RRM2: variants seen among roughly 807,000 people sequenced by gnomAD.
RRM2 encodes the protein ribonucleotide reductase regulatory subunit M2, also known as ribonucleoside-diphosphate reductase subunit M2.
In RRM2, 6 loss-of-function variants were observed where a neutral mutation model predicts 45.9. That is an observed-to-expected ratio of 0.13 (90% CI 0.07 to 0.26). RRM2 has a LOEUF of 0.26. Among genes scored for constraint, RRM2 ranks in the 10% least tolerant of loss-of-function variants. RRM2 has a pLI of 1.00. For missense variants in RRM2, 343 were observed against 489.5 expected (o/e 0.70, Z 2.82); for synonymous variants, 177 against 173.0 (o/e 1.02, Z -0.18).
chr2:10,164,148 A>G (rs1340630719), intron 3 of RRM2, among the ~76,000 whole-genome samples: 2 of 151,626 alleles, frequency 1.3e-5, no homozygotes, highest in Admixed American at 6.6e-5. Context: ...GTATTTTTCA[A>G]CCTTTTTTGA....
rs542410399 is a variant in RRM2 at position 10,127,295 on chromosome 2, G to A, written c.798+75G>A. 6.0e-6 allele frequency: 9 copies of A among 1,488,590 alleles called. No individual in the cohort carries two copies. In the South Asian group the frequency reaches 9.3e-5, roughly 15 times the overall value. 92.2% of individuals were successfully genotyped at this position (1,488,590 alleles called of 1,614,324 possible). ...GGCATGCTCTTGTGTTCACTGACGGGGACCTGAGATGCTAGATGGCATATA... is the reference window on the plus strand; with the variant it reads ...GGCATGCTCTTGTGTTCACTGACGGAGACCTGAGATGCTAGATGGCATATA... On this transcript the variant is annotated intron_variant, in intron 7 of 9. Coordinates refer to ENST00000304567, the MANE Select transcript of RRM2 (RefSeq NM_001034.4). The surrounding 1 kb of genome is among the most constrained non-coding windows in gnomAD (Gnocchi z 4.1).
chr2:10,191,232 C>T (rs1664299633), intron 3 of RRM2, among the ~76,000 whole-genome samples: 1 of 152,212 alleles, frequency 6.6e-6, no homozygotes, highest in Non-Finnish European at 1.5e-5. Context: ...GGTTGGCTGT[C>T]AGGGGAGCAG....
chr2:10,174,144 GGGAGGAGGCGGCTGCCTCCCACCCA>G (rs1426377203), intron 3 of RRM2, among the ~76,000 whole-genome samples: 2 of 152,208 alleles, frequency 1.3e-5, no homozygotes, highest in Admixed American at 1.3e-4. Context: ...TGAGGACATG[GGGAGGAGGCGGCTGCCTCCCACCCA>G]GGAGGAGCCC....
At chr2:10,175,125 T>C (rs1663886696) in intron 3 of RRM2, among the ~76,000 whole-genome samples, 1 of 152,266 alleles carries the variant, frequency 6.6e-6, no homozygotes, top group Non-Finnish European at 1.5e-5. Context: ...ATCTGAAGTC[T>C]GCAGTTTGAG....
At chr2:10,186,168 A>G (rs748704091) in intron 3 of RRM2, among the ~76,000 whole-genome samples, 36 of 152,116 alleles carry the variant, frequency 2.4e-4, no homozygotes, top group Admixed American at 9.2e-4. Flanking sequence ...TGGATGAGCC[A>G]TTTTACCTTT....
At chr2:10,141,742 A>G in intron 1 of RRM2, 1 of 1,467,508 alleles carries the variant, frequency 6.8e-7, no homozygotes, top group Middle Eastern at 2.2e-4. Flanking sequence ...TACTGTTCCA[A>G]GCACGGGAAA....
rs1022441044 is a variant in RRM2, at chr2:10,172,223, G to A, written n.482+29848G>A. Among the ~76,000 whole-genome samples the A allele has an allele frequency of 1.3e-4, 20 of 152,118 alleles. No individual in the cohort carries two copies. The highest frequency in any genetic ancestry group is 4.8e-4 in the African/African-American group (20 of 41,426). On this transcript the variant is annotated intron_variant and non_coding_transcript_variant, in intron 3 of 3. Transcript: ENST00000381786. The surrounding 1 kb of genome is among the most constrained non-coding windows in gnomAD (Gnocchi z 4.9). ...GAGATTTCTCTGCTCTAAGTCATGG[G>A]TGCTGAGGCCCACCTGTCTGGCGAG...
At chr2:10,134,412 G>A (rs1438485354), downstream of RRM2, among the ~76,000 whole-genome samples, 1 of 152,132 alleles carries the variant, frequency 6.6e-6, no homozygotes, top group East Asian at 1.9e-4. Context: ...AAAGCTAGGG[G>A]CCCCAGTGAC....
chr2:10,192,516 C>T (rs1346224135), intron 3 of RRM2: 1 of 154,602 alleles, frequency 6.5e-6, no homozygotes, highest in African/African-American at 2.4e-5. Flanking sequence ...CCACTTGTGA[C>T]CAGGGTTTTC....
intron 7 of RRM2, among the ~76,000 whole-genome samples, chr2:10,128,114 A>C: frequency 6.6e-6 from 1 of 152,052 alleles, no homozygotes; most frequent in South Asian, 2.1e-4. Flanking sequence ...GCAGTGAGTC[A>C]AGATCACACC....
upstream of RRM2, among the ~76,000 whole-genome samples, chr2:10,140,259 GA>G (rs906473874): frequency 1.3e-5 from 2 of 150,834 alleles, no homozygotes; most frequent in African/African-American, 4.9e-5. Context: ...AAAAAGAAAA[GA>G]AAAAAAAATC....
intron 5 of RRM2, among the ~76,000 whole-genome samples, chr2:10,125,658 AGACTCC>A (rs1270069501): frequency 6.6e-6 from 1 of 152,180 alleles, no homozygotes; most frequent in African/African-American, 2.4e-5. Flanking sequence ...TGACAGAGCA[AGACTCC>A]GTCTCAAAAA....
chr2:10,207,229 C>G (rs958603557), intron 3 of RRM2, among the ~76,000 whole-genome samples: 2 of 152,152 alleles, frequency 1.3e-5, no homozygotes, highest in African/African-American at 4.8e-5. Context: ...CACCTCCAGT[C>G]CTGTCATCTT....
At chr2:10,138,847 CCT>C (rs1403583992), upstream of RRM2, among the ~76,000 whole-genome samples, 3 of 152,072 alleles carry the variant, frequency 2.0e-5, no homozygotes, top group African/African-American at 7.2e-5. Context: ...GTGGCTCACG[CCT>C]GTAATCCCAA....
chr2:10,161,858 TG>T (rs1240218876), intron 3 of RRM2, among the ~76,000 whole-genome samples: 1 of 152,186 alleles, frequency 6.6e-6, no homozygotes, highest in Non-Finnish European at 1.5e-5. Context: ...GAGGCAAGGC[TG>T]AGGTTTGCAC....
intron 3 of RRM2, among the ~76,000 whole-genome samples, chr2:10,186,045 A>G (rs768976221): frequency 2.6e-5 from 4 of 152,246 alleles, no homozygotes; most frequent in African/African-American, 4.8e-5. Flanking sequence ...CAATATCTTT[A>G]AAAAAGAAAT....
At chr2:10,137,479 TG>T (rs1386756573), upstream of RRM2, among the ~76,000 whole-genome samples, 1 of 152,246 alleles carries the variant, frequency 6.6e-6, no homozygotes, top group Non-Finnish European at 1.5e-5. Flanking sequence ...CCTTGTCACC[TG>T]GGGCAAAGGG....
At position 10,123,064 on chromosome 2, in the gene RRM2, G is replaced by T; in HGVS notation, c.174+7G>T. The T allele has an allele frequency of 6.5e-7, 1 of 1,548,784 alleles. No homozygotes were observed. Among genetic ancestry groups the T allele is most frequent in the East Asian group, 2.4e-5 (1 of 42,552 alleles). On this transcript the variant is annotated splice_region_variant and intron_variant, in intron 2 of 9. Coordinates refer to ENST00000304567, the MANE Select transcript of RRM2 (RefSeq NM_001034.4). ...CCAGGAGCCCACGGAGCCGGTGAGTGGCGGGCGTGGGGCAGAGGGGCCAGG... is the reference window on the plus strand; with the variant it reads ...CCAGGAGCCCACGGAGCCGGTGAGTTGCGGGCGTGGGGCAGAGGGGCCAGG...
chr2:10,164,181 C>A (rs961149552), intron 3 of RRM2, among the ~76,000 whole-genome samples: 18 of 151,944 alleles, frequency 1.2e-4, no homozygotes, highest in African/African-American at 4.1e-4. Flanking sequence ...GTGTATTTCC[C>A]AAATTCTTTT....
Sources: gnomAD v4.1 joint callset for allele counts (sites outside exome capture counted in the v4.1 genomes callset) on GRCh38, gnomAD v4.1.1 for gene constraint, Gnocchi (gnomAD v3.1) non-coding constraint, MANE v1.5 for transcripts, NCBI Gene and HGNC (gene_info 2026-07-23, HGNC 2026-07-21) for gene names.